ZCWPW2: variants seen among roughly 807,000 people sequenced by gnomAD.
ZCWPW2 encodes the protein zinc finger CW-type and PWWP domain containing 2.
ZCWPW2 carries 45 observed loss-of-function variants against 46.6 expected under a neutral mutation model. That is an observed-to-expected ratio of 0.96 (90% CI 0.76 to 1.24). ZCWPW2 has a LOEUF of 1.24. Ranked by LOEUF, ZCWPW2 falls within the 50% of genes most tolerant of loss-of-function variation. The pLI is 0.00. For missense variants in ZCWPW2, 429 were observed against 403.9 expected (o/e 1.06, Z -0.53); for synonymous variants, 152 against 137.1 (o/e 1.11, Z -0.76).
At chr3:28,524,472 T>C in intron 9 of ZCWPW2, 55 bp from the exon 10 acceptor site, 3 of 1,561,454 alleles carry the variant, frequency 1.9e-6, no homozygotes, top group Non-Finnish European at 2.6e-6. Flanking sequence ...TATGTTTTGT[T>C]CAATAATCAG....
intron 4 of ZCWPW2, among the ~76,000 whole-genome samples, chr3:28,464,716 C>G (rs1463145384): frequency 2.0e-5 from 3 of 152,196 alleles, no homozygotes; most frequent in Admixed American, 1.3e-4. Context: ...AAGTGTACCC[C>G]TAGCTTGTAG....
At position 28,352,139 on chromosome 3, in the gene ZCWPW2, C is replaced by T. The variant is rs73046712; in HGVS notation, c.-134+2936C>T. Among the ~76,000 whole-genome samples the T allele has an allele frequency of 8.2e-3, 770 of 94,002 alleles. 2 individuals carry two copies. The highest frequency in any genetic ancestry group is 0.013 in the Non-Finnish European group (509 of 39,332). 61.7% of individuals were successfully genotyped at this position (94,002 alleles called of 152,430 possible). ...TCTCAGATGTATGCACACACACACA[C>T]ACACACACACACACACACACACACA... is the stretch of plus-strand genomic sequence containing the variant. On this transcript the variant is annotated intron_variant, in intron 1 of 9. Transcript: ENST00000383768.
intron 4 of ZCWPW2, among the ~76,000 whole-genome samples, chr3:28,437,620 C>T (rs1425768184): frequency 4.6e-5 from 7 of 152,136 alleles, no homozygotes; most frequent in Admixed American, 1.3e-4. Flanking sequence ...ATTCTCTAGT[C>T]ATACAGATGA....
intron 3 of ZCWPW2, among the ~76,000 whole-genome samples, chr3:28,433,471 A>G (rs958340007): frequency 1.3e-5 from 2 of 152,196 alleles, no homozygotes; most frequent in African/African-American, 2.4e-5. Flanking sequence ...GTTTTCATTT[A>G]AATAAAGAAA....
At chr3:28,443,842 G>T (rs896365148) in intron 4 of ZCWPW2, among the ~76,000 whole-genome samples, 1 of 152,110 alleles carries the variant, frequency 6.6e-6, no homozygotes, top group African/African-American at 2.4e-5. Context: ...TTGGTGAAGG[G>T]TATATCTTCT....
chr3:28,446,744 G>C (rs150017076), intron 4 of ZCWPW2, among the ~76,000 whole-genome samples: 92 of 151,592 alleles, frequency 6.1e-4, no homozygotes, highest in African/African-American at 2.0e-3. Context: ...TCTTTGAAAA[G>C]ATCAATAAAA....
chr3:28,509,752 AT>A (rs994011359), intron 6 of ZCWPW2, among the ~76,000 whole-genome samples: 1 of 151,928 alleles, frequency 6.6e-6, no homozygotes, highest in African/African-American at 2.4e-5. Context: ...ATTTGAAAAT[AT>A]TTTTTTCTCA....
intron 1 of ZCWPW2, among the ~76,000 whole-genome samples, chr3:28,386,651 T>C (rs112454672): frequency 7.2e-4 from 109 of 152,322 alleles, no homozygotes; most frequent in African/African-American, 2.6e-3. Flanking sequence ...ATCTGTGATA[T>C]TGTATTGATT....
At chr3:28,513,948 T>C in intron 6 of ZCWPW2, 116 bp from the exon 7 acceptor site, 1 of 594,156 alleles carries the variant, frequency 1.7e-6, no homozygotes, top group Non-Finnish European at 2.5e-6. Context: ...TTGTTTAGGG[T>C]TATCAGCCGG....
intron 4 of ZCWPW2, among the ~76,000 whole-genome samples, chr3:28,452,534 T>C (rs1264676960): frequency 6.6e-6 from 1 of 152,156 alleles, no homozygotes; most frequent in Non-Finnish European, 1.5e-5. Context: ...GACCTTGTGA[T>C]CCACCCACCT....
Position 28,492,176 on chromosome 3 carries a change from A to AAG in ZCWPW2, c.657+5_657+6dup. 1 of 1,603,586 alleles carries AAG rather than the reference A, an allele frequency of 6.2e-7. No homozygotes were observed. Among genetic ancestry groups the AAG allele is most frequent in the East Asian group, 2.3e-5 (1 of 44,266 alleles). ...TTGCTGCACTGGTCAAGAAAAGGGT[A>AAG]AGATTGTGTTTTATTATATAAAATA... On this transcript the variant is annotated splice_donor_region_variant and intron_variant, in intron 6 of 9. Coordinates refer to ENST00000383768, the MANE Select transcript of ZCWPW2 (RefSeq NM_001040432.4).
At chr3:28,364,394 C>T (rs1260747362) in intron 1 of ZCWPW2, among the ~76,000 whole-genome samples, 1 of 151,998 alleles carries the variant, frequency 6.6e-6, no homozygotes, top group African/African-American at 2.4e-5. Flanking sequence ...CATATTTTTA[C>T]ATTGCAAATT....
chr3:28,495,267 A>G (rs957261099), intron 6 of ZCWPW2, among the ~76,000 whole-genome samples: 2 of 152,146 alleles, frequency 1.3e-5, no homozygotes, highest in Non-Finnish European at 1.5e-5. Flanking sequence ...GAGGAATTCA[A>G]TATCATAGAA....
chr3:28,445,182 CAT>C lies in ZCWPW2; in HGVS notation c.492+9932_492+9933del, dbSNP rs146210607. 6.2e-3 allele frequency among the ~76,000 whole-genome samples: 888 copies of C among 143,940 alleles called. 7 individuals are homozygous for C. The highest frequency in any genetic ancestry group is 0.019 in the African/African-American group (765 of 39,502). 94.4% of individuals were successfully genotyped at this position (143,940 alleles called of 152,430 possible). On this transcript the variant is annotated intron_variant, in intron 4 of 9. Coordinates refer to ENST00000383768, the MANE Select transcript of ZCWPW2 (RefSeq NM_001040432.4). Reference sequence around the variant, plus strand: ...GGTATATATCCTATTATATACCTATCATATATATATATATATATATTTGAGTT... The same window carrying C: ...GGTATATATCCTATTATATACCTATCATATATATATATATATATTTGAGTT...
At chr3:28,355,674 A>T (rs1385068023) in intron 1 of ZCWPW2, among the ~76,000 whole-genome samples, 1 of 152,230 alleles carries the variant, frequency 6.6e-6, no homozygotes, top group Non-Finnish European at 1.5e-5. Flanking sequence ...GGAACAGAAC[A>T]GAGCCTTCAG....
intron 1 of ZCWPW2, among the ~76,000 whole-genome samples, chr3:28,380,966 ATATATT>A (rs1345718171): frequency 4.9e-5 from 2 of 40,776 alleles, no homozygotes; most frequent in Admixed American, 6.4e-4. Flanking sequence ...ATATATATAT[ATATATT>A]TGGTATATAT....
intron 5 of ZCWPW2, among the ~76,000 whole-genome samples, chr3:28,479,551 G>A (rs1312714116): frequency 1.3e-5 from 2 of 152,112 alleles, no homozygotes; most frequent in Non-Finnish European, 2.9e-5. Flanking sequence ...AAGTTCAGGG[G>A]TACATGTGCA....
intron 3 of ZCWPW2, among the ~76,000 whole-genome samples, chr3:28,429,726 C>A (rs1697169599): frequency 6.6e-6 from 1 of 152,154 alleles, no homozygotes; most frequent in Non-Finnish European, 1.5e-5. Flanking sequence ...CAGTGCCTTG[C>A]TGCTTTGTGT....
rs189125786 is a variant in ZCWPW2 at position 28,358,838 on chromosome 3, C to G, written c.-134+9635C>G. 1.1e-3 allele frequency among the ~76,000 whole-genome samples: 168 copies of G among 151,110 alleles called. 1 individual carries two copies. Among genetic ancestry groups the G allele is most frequent in the Non-Finnish European group, 2.0e-3 (133 of 67,852 alleles). On this transcript the variant is annotated intron_variant, in intron 1 of 9. Coordinates refer to ENST00000383768, the MANE Select transcript of ZCWPW2 (RefSeq NM_001040432.4). ...AGGAGGAATTTATATCTCATTTTACCCCCCCCAACAATCCTTTTTCTGAAA... is the reference window on the plus strand; with the variant it reads ...AGGAGGAATTTATATCTCATTTTACGCCCCCCAACAATCCTTTTTCTGAAA...
Sources: allele counts gnomAD v4.1 joint callset (sites outside exome capture counted in the v4.1 genomes callset), GRCh38; gene constraint gnomAD v4.1.1; transcripts MANE v1.5; gene names NCBI Gene and HGNC (gene_info 2026-07-23, HGNC 2026-07-21).